The following USP2 variants were observed in gnomAD, a reference collection of about 807,000 sequenced individuals.
The protein encoded by USP2 is ubiquitin specific peptidase 2.
In USP2, 33 loss-of-function variants were observed where a neutral mutation model predicts 72.0. The ratio of observed to expected loss-of-function variants is 0.46; its 90% confidence interval spans 0.35 to 0.61. The LOEUF (loss-of-function observed/expected upper bound fraction) is 0.61. Ranked by LOEUF, USP2 falls within the 20% of genes least tolerant of loss-of-function variation. USP2 has a pLI of 0.01. For synonymous variants in USP2, 296 were observed against 312.5 expected (o/e 0.95, Z 0.56); for missense variants, 691 against 797.8 (o/e 0.87, Z 1.61).
At chr11:119,363,010 G>C (rs1261851709) in intron 2 of USP2, among the ~76,000 whole-genome samples, 3 of 152,196 alleles carry the variant, frequency 2.0e-5, no homozygotes, top group Non-Finnish European at 4.4e-5. Flanking sequence ...GGCACCCTTC[G>C]GTAGGAGAGG....
At chr11:119,357,885 C>A (rs780042046) in intron 9 of USP2, 50 bp from the exon 10 acceptor site, 11 of 1,612,990 alleles carry the variant, frequency 6.8e-6, no homozygotes, top group Non-Finnish European at 9.3e-6. Flanking sequence ...CAGTGGGCCC[C>A]AATCCAGTCA....
rs558625397 is a variant in USP2, at chr11:119,366,187, G to A, written c.775-5953C>T. On this transcript the variant is annotated intron_variant, in intron 2 of 12. Coordinates refer to ENST00000260187, the MANE Select transcript of USP2 (RefSeq NM_004205.5). ...TGGGATTACAGGCGTGAGCCACCAC[G>A]CCCGGCCTATTACCTCTGTTTTATA... Among the ~76,000 whole-genome samples, 100 of 152,302 alleles carry A rather than the reference G, an allele frequency of 6.6e-4. 1 individual carries two copies. The highest frequency in any genetic ancestry group is 1.2e-3 in the Non-Finnish European group (80 of 68,032).
intron 2 of USP2, among the ~76,000 whole-genome samples, chr11:119,372,243 A>G (rs550364735): frequency 6.6e-6 from 1 of 152,316 alleles, no homozygotes; most frequent in East Asian, 1.9e-4. Context: ...CTTATGTCCA[A>G]ATGTAAAGCC....
At chr11:119,357,367 A>G in intron 11 of USP2, 60 bp from the exon 12 acceptor site, 3 of 1,605,586 alleles carry the variant, frequency 1.9e-6, no homozygotes, top group South Asian at 2.2e-5. Context: ...CCCCCCTCCA[A>G]CCTCTCCTTC....
intron 2 of USP2, among the ~76,000 whole-genome samples, chr11:119,362,992 A>G (rs557041953): frequency 1.3e-5 from 2 of 152,346 alleles, no homozygotes; most frequent in African/African-American, 4.8e-5. Flanking sequence ...ATGCAGAGGT[A>G]GCATCTGGGC....
chr11:119,376,411 T>C (rs1017996058), intron 1 of USP2: 1 of 985,628 alleles, frequency 1.0e-6, no homozygotes, highest in South Asian at 4.7e-5. Flanking sequence ...GCAAGCCAAT[T>C]GGCTGGGATC....
chr11:119,375,229 G>A (rs1247550747), intron 1 of USP2, among the ~76,000 whole-genome samples: 12 of 152,088 alleles, frequency 7.9e-5, no homozygotes, highest in Admixed American at 7.9e-4. Flanking sequence ...CCCCAAATGC[G>A]AGGGCTTGGC....
At chr11:119,366,706 G>T (rs1028183420) in intron 2 of USP2, among the ~76,000 whole-genome samples, 4 of 152,208 alleles carry the variant, frequency 2.6e-5, no homozygotes, top group Non-Finnish European at 2.9e-5. Context: ...GCCTCAGAGG[G>T]TGGGGTGTGA....
chr11:119,365,670 C>T (rs1263463451), intron 2 of USP2, among the ~76,000 whole-genome samples: 1 of 152,190 alleles, frequency 6.6e-6, no homozygotes, highest in Non-Finnish European at 1.5e-5. Context: ...AGCCCCGAAG[C>T]CTCAGGTAGC....
Position 119,359,234 on chromosome 11 carries a change from T to C in USP2, c.1058A>G (p.Tyr353Cys). ...IQRYAPRFVGYNQQDAQEFLR... is the reference protein window; with the variant it reads ...IQRYAPRFVGCNQQDAQEFLR... ...GACATGTCTGCAAGGCCCTTACTTA[T>C]AGCCAACAAAGCGCGGTGCGTATCT... is the stretch of plus-strand genomic sequence containing the variant. The change falls in exon 5 of 13, where the codon TAT (tyrosine) becomes TGT (cysteine). Residue 353 changes from tyrosine to cysteine, a missense_variant. Transcript: ENST00000260187. The C allele has an allele frequency of 6.2e-7, 1 of 1,613,848 alleles. No homozygotes were observed. Among genetic ancestry groups the C allele is most frequent in the Non-Finnish European group, 8.5e-7 (1 of 1,179,810 alleles).
Position 119,381,573 on chromosome 11 carries a change from C to T in USP2, c.-142G>A. Reference sequence around the variant, plus strand: ...GCGCGGCGCAGTGAGCACCAGCTGACGAAGAGGGCTCCCCGGCCTCGGCTC... The same window carrying T: ...GCGCGGCGCAGTGAGCACCAGCTGATGAAGAGGGCTCCCCGGCCTCGGCTC... On this transcript the variant is annotated 5_prime_UTR_variant, in exon 1 of 13. Coordinates refer to ENST00000260187, the MANE Select transcript of USP2 (RefSeq NM_004205.5). 3 of 1,533,690 alleles carry T rather than the reference C, an allele frequency of 2.0e-6. No homozygotes were observed. The highest frequency in any genetic ancestry group is 2.4e-5 in the South Asian group (2 of 83,992).
chr11:119,357,287 A>G lies in USP2; in HGVS notation c.1630T>C (p.Tyr544His). ...GTTCCGGAGTGATTGGACACAGCGT[A>G]CAGGTTGTAAACAGCATGGTCTGAG... The part of the protein sequence containing the change: ...ENTNHAVYNL[Y>H]AVSNHSGTTM... The change falls in exon 12 of 13, where the codon TAC becomes CAC. Residue 544 changes from tyrosine to histidine, a missense_variant. Transcript: ENST00000260187. 1 of 1,613,136 alleles carries G rather than the reference A, an allele frequency of 6.2e-7. No individual in the cohort carries two copies. Among genetic ancestry groups the G allele is most frequent in the Non-Finnish European group, 8.5e-7 (1 of 1,179,838 alleles).
chr11:119,369,584 C>T (rs904751174), intron 2 of USP2, among the ~76,000 whole-genome samples: 1 of 152,138 alleles, frequency 6.6e-6, no homozygotes, highest in East Asian at 1.9e-4. Context: ...TCTATGATCT[C>T]TTTTCCCCCC....
Position 119,359,211 on chromosome 11 carries a change from C to A in USP2, c.1061+20G>T, listed in dbSNP as rs780052632. On this transcript the variant is annotated intron_variant, in intron 5 of 12. Transcript: ENST00000260187. ...TCCTACTGCCACCCACCTGAGAGGA[C>A]ATGTCTGCAAGGCCCTTACTTATAG... 1 of 1,612,630 alleles carries A rather than the reference C, an allele frequency of 6.2e-7. No homozygotes were observed. The highest frequency in any genetic ancestry group is 8.5e-7 in the Non-Finnish European group (1 of 1,178,766).
At chr11:119,378,389 C>CA (rs1681717176) in intron 1 of USP2, among the ~76,000 whole-genome samples, 1 of 152,178 alleles carries the variant, frequency 6.6e-6, no homozygotes, top group Non-Finnish European at 1.5e-5. Flanking sequence ...TCTCAGGCCC[C>CA]AGGGCCTGGG....
At chr11:119,360,577 C>T (rs1045444015) in intron 2 of USP2, among the ~76,000 whole-genome samples, 6 of 152,134 alleles carry the variant, frequency 3.9e-5, no homozygotes, top group South Asian at 2.1e-4. Context: ...GTGTGTGCCA[C>T]GATGCCCGGC....
intron 1 of USP2, among the ~76,000 whole-genome samples, chr11:119,377,944 C>A (rs1294715344): frequency 6.6e-6 from 1 of 152,100 alleles, no homozygotes; most frequent in African/African-American, 2.4e-5. Flanking sequence ...GGGGTGAAAG[C>A]CTGCTTTGCT....
chr11:119,366,170 C>T (rs746806947), intron 2 of USP2, among the ~76,000 whole-genome samples: 1 of 152,224 alleles, frequency 6.6e-6, no homozygotes, highest in Non-Finnish European at 1.5e-5. Context: ...GCTGGGATTA[C>T]AGGCGTGAGC....
chr11:119,364,217 C>A, intron 2 of USP2: 5 of 1,123,194 alleles, frequency 4.5e-6, no homozygotes, highest in Non-Finnish European at 5.4e-6. Context: ...CTGGCGGCCC[C>A]GCCGGCGCCT....
Sources: gnomAD v4.1 joint callset for allele counts (sites outside exome capture counted in the v4.1 genomes callset) on GRCh38, gnomAD v4.1.1 for gene constraint, MANE v1.5 for transcripts, NCBI Gene and HGNC (gene_info 2026-07-23, HGNC 2026-07-21) for gene names.